VPS13D: variants seen among roughly 807,000 people sequenced by gnomAD.
VPS13D encodes the protein intermembrane lipid transfer protein VPS13D.
A neutral mutation model predicts 461.9 loss-of-function variants in VPS13D; 187 were observed. The ratio of observed to expected loss-of-function variants is 0.40; its 90% CI spans 0.36 to 0.46. VPS13D has a LOEUF of 0.46. Ranked by LOEUF, VPS13D falls within the 20% of genes least tolerant of loss-of-function variation. The pLI is 0.60. For missense variants in VPS13D, 4,711 were observed against 5,364.9 expected (o/e 0.88, Z 3.81); for synonymous variants, 1,951 against 1,986.3 (o/e 0.98, Z 0.47).
Position 12,311,495 on chromosome 1 carries a change from A to G in VPS13D, c.6692A>G (p.Asn2231Ser), listed in dbSNP as rs754461409. 9.3e-6 allele frequency: 15 copies of G among 1,613,922 alleles called. No homozygotes were observed. In the African/African-American group the frequency reaches 1.2e-4, roughly 13 times the overall value. Residue 2231 changes from asparagine (N) to serine (S), a missense_variant, in exon 28 of 70, where the codon AAT (asparagine) becomes AGT (serine). By Grantham distance (46) the Asn-to-Ser change is conservative (BLOSUM62 1). Around this residue, in one of 3 missense-constraint regions of VPS13D, gnomAD observed 4,411 missense variants for 4,937.8 expected, o/e 0.89. Transcript: ENST00000620676. Reference sequence around the variant, plus strand: ...GTGCCAGACATATCTATCCATGGCAATCTCTCCTCAGTCCACTGCTCTCTG... The same window carrying G: ...GTGCCAGACATATCTATCCATGGCAGTCTCTCCTCAGTCCACTGCTCTCTG... ...HTVPDISIHG[N>S]LSSVHCSLDL...
intron 63 of VPS13D, among the ~76,000 whole-genome samples, chr1:12,404,568 G>A (rs892488718): frequency 2.0e-5 from 3 of 152,112 alleles, no homozygotes; most frequent in Non-Finnish European, 2.9e-5. Flanking sequence ...CCTGAACACC[G>A]TCTTCATTTT....
At chr1:12,484,632 A>G (rs1645772121) in intron 67 of VPS13D, among the ~76,000 whole-genome samples, 1 of 152,196 alleles carries the variant, frequency 6.6e-6, no homozygotes, top group Non-Finnish European at 1.5e-5. Flanking sequence ...AGTGTCCAGT[A>G]CACATTCAGC....
chr1:12,367,945 A>G (rs1254983255), intron 52 of VPS13D, among the ~76,000 whole-genome samples: 1 of 152,048 alleles, frequency 6.6e-6, no homozygotes. Context: ...TTTTATTTTT[A>G]TTTTTAATTG....
chr1:12,379,740 A>G (rs1437064829), intron 57 of VPS13D, 144 bp downstream of exon 57: 2 of 556,102 alleles, frequency 3.6e-6, no homozygotes, highest in Non-Finnish European at 6.1e-6. Flanking sequence ...TTTAGTTAAA[A>G]GGAAGTCAGA....
chr1:12,291,480 G>T (rs1427351539), intron 23 of VPS13D, among the ~76,000 whole-genome samples: 2 of 152,144 alleles, frequency 1.3e-5, no homozygotes, highest in Non-Finnish European at 2.9e-5. Flanking sequence ...AAAGCCGTCT[G>T]TGTGTGGTGG....
chr1:12,354,150 T>C lies in VPS13D; in HGVS notation c.9608T>C (p.Ile3203Thr). The C allele has an allele frequency of 6.2e-7, 1 of 1,614,180 alleles. No homozygotes were observed. Among genetic ancestry groups the C allele is most frequent in the Non-Finnish European group, 8.5e-7 (1 of 1,180,034 alleles). ...ELDFYVKGMP[I>T]NGTLKPGKEA... ...GATTTTTATGTTAAAGGAATGCCAATTAATGGGACGCTGAAACCTGGCAAG... is the reference window on the plus strand; with the variant it reads ...GATTTTTATGTTAAAGGAATGCCAACTAATGGGACGCTGAAACCTGGCAAG... Residue 3203 changes from isoleucine to threonine, a missense_variant, in exon 47 of 70, where the codon ATT becomes ACT. By Grantham distance (89) the Ile-to-Thr change is moderately conservative. Transcript: ENST00000620676.
intron 68 of VPS13D, 61 bp downstream of exon 68, chr1:12,497,692 C>G: frequency 1.3e-6 from 2 of 1,553,530 alleles, no homozygotes; most frequent in Non-Finnish European, 1.7e-6. Context: ...TCTTTTGATC[C>G]TGAGAAGTCT....
At position 12,363,237 on chromosome 1, in the gene VPS13D, A is replaced by G. The variant is rs769666592; in HGVS notation, c.10438A>G (p.Ile3480Val). The change falls in exon 52 of 70, where the codon ATC becomes GTC. Residue 3480 changes from isoleucine to valine, a missense_variant. Ile to Val is a conservative substitution (Grantham distance 29). This residue lies in a region of VPS13D where 4,411 missense variants were observed against 4,937.8 expected (regional missense o/e 0.89). Transcript: ENST00000620676. ...AGTCAACAAGAATAATTCCTTCCATATCAACATGAGGTAAGTTTGAGACTC... is the reference window on the plus strand; with the variant it reads ...AGTCAACAAGAATAATTCCTTCCATGTCAACATGAGGTAAGTTTGAGACTC... Reference protein sequence around the residue: ...FEVNKNNSFHINMRDTLGKCF... With the variant: ...FEVNKNNSFHVNMRDTLGKCF... The G allele has an allele frequency of 8.1e-6, 13 of 1,614,144 alleles. No homozygotes were observed. The Admixed American group carries it at 2.2e-4, about 27-fold the overall frequency.
intron 9 of VPS13D, 59 bp downstream of exon 9, chr1:12,257,146 A>T: frequency 6.8e-7 from 1 of 1,466,624 alleles, no homozygotes; most frequent in South Asian, 1.1e-5. Context: ...TGCTATGTAC[A>T]TAGATCAGAA....
chr1:12,287,263 C>A (rs947291358), intron 21 of VPS13D, among the ~76,000 whole-genome samples: 8 of 152,220 alleles, frequency 5.3e-5, no homozygotes, highest in African/African-American at 9.6e-5. Context: ...GAGTTCCCCC[C>A]ACAAAGTCAT....
chr1:12,242,439 C>CAGGG (rs1640409564), intron 2 of VPS13D, 74 bp from the exon 3 acceptor site: 1 of 1,360,064 alleles, frequency 7.4e-7, no homozygotes, highest in Non-Finnish European at 1.0e-6. Flanking sequence ...CTTTAACCTT[C>CAGGG]AATGCTTTAC....
At chr1:12,368,847 AGTG>A (rs1309885492) in intron 53 of VPS13D, among the ~76,000 whole-genome samples, 1 of 152,154 alleles carries the variant, frequency 6.6e-6, no homozygotes, top group Non-Finnish European at 1.5e-5. Flanking sequence ...TTTTGGCTAG[AGTG>A]GTTGGTTGAC....
At chr1:12,448,831 G>A (rs1570192915) in intron 65 of VPS13D, among the ~76,000 whole-genome samples, 1 of 152,158 alleles carries the variant, frequency 6.6e-6, no homozygotes, top group Non-Finnish European at 1.5e-5. Context: ...ACCACTCTGA[G>A]CTTCCAGATT....
In VPS13D at chr1:12,322,468, C is replaced by A. The variant is rs908959039; in HGVS notation, c.7705-68C>A. 27 of 1,470,844 alleles carry A rather than the reference C, an allele frequency of 1.8e-5. No homozygotes were observed. The African/African-American group carries it at 3.8e-4, about 21-fold the overall frequency. The allele number at this position is 1,470,844 out of a possible 1,614,324, so 91.1% of individuals were successfully genotyped here. A position where few individuals can be genotyped will look rare whatever the true frequency, so the allele number is the denominator to read the frequency against. ...TTAGAAGTTGAAATAGGAATTACAT[C>A]TGTAAGAGATATGGATGTAAAACCA... On this transcript the variant is annotated intron_variant, in intron 33 of 69. Transcript: ENST00000620676.
rs1643976284 is a variant in VPS13D, at chr1:12,363,150, G to A, written c.10351G>A (p.Asp3451Asn). Residue 3451 changes from aspartate to asparagine, a missense_variant, in exon 52 of 70, where the codon GAT becomes AAT. This residue lies in a region of VPS13D where 4,411 missense variants were observed against 4,937.8 expected (regional missense o/e 0.89). Coordinates refer to ENST00000620676, the MANE Select transcript of VPS13D (RefSeq NM_015378.4). ...VVFHWPRNDY[D>N]QLLCVRLMDV... is the part of the protein sequence containing the mutation. The stretch of plus-strand genomic sequence containing the variant: ...GTTCCACTGGCCTCGGAATGACTAT[G>A]ATCAGCTATTGTGTGTCAGACTGAT... The A allele has an allele frequency of 6.2e-7, 1 of 1,614,194 alleles. No individual in the cohort carries two copies. The highest frequency in any genetic ancestry group is 8.5e-7 in the Non-Finnish European group (1 of 1,180,040).
At chr1:12,445,390 T>G (rs975367718) in intron 65 of VPS13D, among the ~76,000 whole-genome samples, 1 of 152,184 alleles carries the variant, frequency 6.6e-6, no homozygotes, top group Non-Finnish European at 1.5e-5. Context: ...AGATGTTGAG[T>G]TAAGTGGATT....
intron 67 of VPS13D, among the ~76,000 whole-genome samples, chr1:12,461,830 G>A (rs947987889): frequency 2.6e-5 from 4 of 152,314 alleles, no homozygotes; most frequent in Admixed American, 6.5e-5. Flanking sequence ...TAATGTTGAC[G>A]AGAAAGAAAC....
Position 12,262,054 on chromosome 1 carries a change from G to C in VPS13D, c.1568G>C (p.Ser523Thr), listed in dbSNP as rs746227230. Residue 523 changes from serine (S) to threonine (T), a missense_variant, in exon 13 of 70, where the codon AGT becomes ACT. By Grantham distance (58) the Ser-to-Thr change is moderately conservative. This residue lies in a region of VPS13D where 4,411 missense variants were observed against 4,937.8 expected (regional missense o/e 0.89). Coordinates refer to ENST00000620676, the MANE Select transcript of VPS13D (RefSeq NM_015378.4). ...KEQGTPQMNE[S>T]AFMQLEFSDV... ...CAAGGAACTCCTCAAATGAATGAAAGTGCTTTCATGCAGCTCGAGTTTTCA... is the reference window on the plus strand; with the variant it reads ...CAAGGAACTCCTCAAATGAATGAAACTGCTTTCATGCAGCTCGAGTTTTCA... 2.5e-6 allele frequency: 4 copies of C among 1,612,810 alleles called. No homozygotes were observed. The highest frequency in any genetic ancestry group is 2.2e-5 in the South Asian group (2 of 90,906).
At chr1:12,412,081 A>G (rs1644737427) in intron 63 of VPS13D, among the ~76,000 whole-genome samples, 1 of 152,228 alleles carries the variant, frequency 6.6e-6, no homozygotes, top group Admixed American at 6.5e-5. Context: ...TAAATCTACC[A>G]CAGTATCTAA....
Sources: allele counts gnomAD v4.1 joint callset (sites outside exome capture counted in the v4.1 genomes callset), GRCh38; gene constraint gnomAD v4.1.1; regional missense constraint gnomAD v4.1.1; transcripts MANE v1.5; gene names NCBI Gene and HGNC (gene_info 2026-07-23, HGNC 2026-07-21).